Variants in MTUS2 observed in about 807,000 individuals in gnomAD.
MTUS2 encodes the protein microtubule-associated tumor suppressor candidate 2.
A neutral mutation model predicts 114.1 loss-of-function variants in MTUS2; 40 were observed. That is an observed-to-expected ratio of 0.35 (90% CI 0.27 to 0.46). The LOEUF (loss-of-function observed/expected upper bound fraction) is 0.46. Ranked by LOEUF, MTUS2 falls within the 20% of genes least tolerant of loss-of-function variation. The pLI, the probability that MTUS2 is intolerant of heterozygous loss-of-function variation, is 1.00. For synonymous variants in MTUS2, 688 were observed against 672.0 expected, an observed-to-expected ratio of 1.02 and a Z score of -0.37; for missense variants, 1,679 against 1,705.4, an observed-to-expected ratio of 0.98 and a Z score of 0.27.
chr13:29,218,150 CAAAA>C (rs111986106), intron 5 of MTUS2, among the ~76,000 whole-genome samples: 1 of 145,414 alleles, frequency 6.9e-6, no homozygotes, highest in East Asian at 2.0e-4. Flanking sequence ...CAAAACAAAA[CAAAA>C]AAAAAACACC....
chr13:28,852,217 C>G (rs953002297), intron 2 of MTUS2, among the ~76,000 whole-genome samples: 1 of 152,168 alleles, frequency 6.6e-6, no homozygotes, highest in Non-Finnish European at 1.5e-5. Context: ...CCTCTGTGTT[C>G]CCTGCCCTCT....
chr13:28,903,013 T>A (rs1490085185), intron 2 of MTUS2, among the ~76,000 whole-genome samples: 1 of 152,162 alleles, frequency 6.6e-6, no homozygotes, highest in Non-Finnish European at 1.5e-5. Flanking sequence ...ATAGGGCTGT[T>A]CAAATGATTT....
chr13:29,185,337 A>G (rs1894177987), intron 5 of MTUS2, among the ~76,000 whole-genome samples: 1 of 152,206 alleles, frequency 6.6e-6, no homozygotes, highest in Admixed American at 6.5e-5. Flanking sequence ...CAAGGAAAGG[A>G]GAAAAAGAAA....
chr13:28,996,992 G>A (rs1182490029), intron 2 of MTUS2, among the ~76,000 whole-genome samples: 2 of 152,110 alleles, frequency 1.3e-5, no homozygotes, highest in Non-Finnish European at 2.9e-5. Flanking sequence ...GATGTTAGGT[G>A]TCAATTTTAG....
At chr13:29,423,638 G>A (rs185827545) in intron 8 of MTUS2, among the ~76,000 whole-genome samples, 27 of 152,292 alleles carry the variant, frequency 1.8e-4, no homozygotes, top group Admixed American at 1.6e-3. Flanking sequence ...TTTTTAAAAG[G>A]TGAGAGGAAA....
intron 1 of MTUS2, among the ~76,000 whole-genome samples, chr13:28,833,692 T>C (rs1874864701): frequency 6.6e-6 from 1 of 152,244 alleles, no homozygotes; most frequent in South Asian, 2.1e-4. Flanking sequence ...TAATACTGGA[T>C]GTTCTAGCCA....
chr13:29,031,863 G>A (rs567005317), intron 3 of MTUS2, among the ~76,000 whole-genome samples: 1 of 152,084 alleles, frequency 6.6e-6, no homozygotes, highest in Admixed American at 6.6e-5. Context: ...TGTCTCCACG[G>A]CACACTATCC....
chr13:29,193,876 G>T (rs1327936768), intron 5 of MTUS2, among the ~76,000 whole-genome samples: 5 of 152,124 alleles, frequency 3.3e-5, no homozygotes, highest in Non-Finnish European at 5.9e-5. Context: ...AAACAGCATG[G>T]TACTGGTACA....
At chr13:29,281,327 C>G (rs1898256783) in intron 5 of MTUS2, among the ~76,000 whole-genome samples, 1 of 152,032 alleles carries the variant, frequency 6.6e-6, no homozygotes, top group South Asian at 2.1e-4. Context: ...GCTCTTCATT[C>G]TGAGTTATCA....
chr13:28,933,807 C>T (rs1487048979), intron 2 of MTUS2, among the ~76,000 whole-genome samples: 1 of 152,200 alleles, frequency 6.6e-6, no homozygotes, highest in Non-Finnish European at 1.5e-5. Context: ...TTCCAGAGAC[C>T]TTACTATTTC....
rs1181824705 is a variant in MTUS2, at chr13:29,497,348, A to G, written c.3678+12A>G. The G allele has an allele frequency of 1.2e-6, 2 of 1,606,024 alleles. No individual in the cohort carries two copies. The highest frequency in any genetic ancestry group is 3.4e-5 in the Admixed American group (2 of 59,206). ...AGGAGCAGCTGGAGGTCGTTTCTGG[A>G]TTCCAGGCTTCCAGCCCCGCAGGAA... is the stretch of plus-strand genomic sequence containing the variant. On this transcript the variant is annotated intron_variant, in intron 13 of 15. Coordinates refer to ENST00000612955, the MANE Select transcript of MTUS2 (RefSeq NM_001033602.4).
chr13:29,131,461 C>G (rs1191822135), intron 5 of MTUS2, among the ~76,000 whole-genome samples: 1 of 152,250 alleles, frequency 6.6e-6, no homozygotes, highest in East Asian at 1.9e-4. Context: ...CCAACAGATC[C>G]CAGACAGCAG....
chr13:29,279,664 A>T (rs7334140), intron 5 of MTUS2, among the ~76,000 whole-genome samples: 66,347 of 152,020 alleles, frequency 0.44, 14,942 homozygotes, highest in Admixed American at 0.52. Flanking sequence ...GAATAGTGTT[A>T]TATATTATTT....
chr13:28,880,116 A>G (rs545451452), intron 2 of MTUS2, among the ~76,000 whole-genome samples: 182 of 152,300 alleles, frequency 1.2e-3, no homozygotes, highest in African/African-American at 4.1e-3. Flanking sequence ...TCACTGTTCT[A>G]TTCAAAGCAT....
upstream of MTUS2, among the ~76,000 whole-genome samples, chr13:28,819,973 C>T (rs1305245459): frequency 6.8e-6 from 1 of 146,958 alleles, no homozygotes; most frequent in East Asian, 2.0e-4. Flanking sequence ...GAGTGCGTCT[C>T]CGGGCGGCCG....
At chr13:29,002,953 A>G (rs4366574) in intron 2 of MTUS2, among the ~76,000 whole-genome samples, 70,777 of 152,042 alleles carry the variant, frequency 0.47, 16,975 homozygotes, top group East Asian at 0.68. Flanking sequence ...TTCATGAATA[A>G]GAATGTAAGA....
intron 5 of MTUS2, among the ~76,000 whole-genome samples, chr13:29,238,160 C>T (rs1194895346): frequency 2.0e-5 from 3 of 152,154 alleles, no homozygotes; most frequent in Non-Finnish European, 4.4e-5. Flanking sequence ...AGAAGACAAC[C>T]TAATGTCCAT....
intron 6 of MTUS2, among the ~76,000 whole-genome samples, chr13:29,305,624 C>G (rs1251898084): frequency 6.6e-6 from 1 of 152,098 alleles, no homozygotes; most frequent in Admixed American, 6.5e-5. Flanking sequence ...ATAACAAGTT[C>G]TGAAACTGAG....
At chr13:29,422,703 G>A (rs1234514167) in intron 8 of MTUS2, among the ~76,000 whole-genome samples, 1 of 111,366 alleles carries the variant, frequency 9.0e-6, no homozygotes, top group African/African-American at 3.6e-5. Flanking sequence ...TTTCTCTGTT[G>A]CCTGGGCTGA....
Sources: allele counts gnomAD v4.1 joint callset (sites outside exome capture counted in the v4.1 genomes callset), GRCh38; gene constraint gnomAD v4.1.1; transcripts MANE v1.5; gene names NCBI Gene and HGNC (gene_info 2026-07-23, HGNC 2026-07-21).